Variants in SPRED2 observed in about 807,000 individuals in gnomAD.
SPRED2 encodes sprouty-related, EVH1 domain-containing protein 2.
SPRED2 carries 47 observed loss-of-function variants against 43.0 expected under a neutral mutation model. The ratio of observed to expected loss-of-function variants is 1.09; its 90% confidence interval spans 0.87 to 1.40. The LOEUF is 1.40. Among genes scored for constraint, SPRED2 ranks in the 40% most tolerant of loss-of-function variants. The probability of loss-of-function intolerance (pLI) is 0.00; values close to 1 mark genes in which losing one functional copy is unlikely to be tolerated. For synonymous variants in SPRED2, 225 were observed against 225.7 expected (o/e 1.00, Z 0.03); for missense variants, 561 against 586.4 (o/e 0.96, Z 0.45).
chr2:65,421,246 G>A (rs1676416503), intron 1 of SPRED2, among the ~76,000 whole-genome samples: 1 of 152,114 alleles, frequency 6.6e-6, no homozygotes, highest in African/African-American at 2.4e-5. Context: ...GGAGGGACAG[G>A]CACCTGATGA....
intron 1 of SPRED2, among the ~76,000 whole-genome samples, chr2:65,375,991 A>C (rs1218704667): frequency 6.6e-6 from 1 of 152,250 alleles, no homozygotes; most frequent in Non-Finnish European, 1.5e-5. Flanking sequence ...AGCTGGAAAT[A>C]AACACAAACA....
chr2:65,313,495 A>G lies in SPRED2; in HGVS notation c.*6T>C. 1.3e-6 allele frequency: 2 copies of G among 1,591,404 alleles called. No individual in the cohort carries two copies. Among genetic ancestry groups the G allele is most frequent in the Non-Finnish European group, 1.7e-6 (2 of 1,169,380 alleles). On this transcript the variant is annotated 3_prime_UTR_variant, in exon 6 of 6. Coordinates refer to ENST00000356388, the MANE Select transcript of SPRED2 (RefSeq NM_181784.3). Reference sequence around the variant, plus strand: ...GCGGATGGAGGGAGAAGGGAGGGAAACTGAGTCACGCGGCCGCTTTGTGCT... The same window carrying G: ...GCGGATGGAGGGAGAAGGGAGGGAAGCTGAGTCACGCGGCCGCTTTGTGCT...
chr2:65,342,046 A>G (rs1674199086), intron 2 of SPRED2, among the ~76,000 whole-genome samples: 1 of 151,726 alleles, frequency 6.6e-6, no homozygotes, highest in African/African-American at 2.4e-5. Flanking sequence ...TAAGGCCCTG[A>G]TAAGTAAATA....
chr2:65,314,217 C>A (rs1348339008), intron 5 of SPRED2, 48 bp from the exon 6 acceptor site: 6 of 1,508,118 alleles, frequency 4.0e-6, no homozygotes, highest in East Asian at 4.6e-5. Flanking sequence ...GGCCAAAAAA[C>A]AAACAAACAA....
intron 3 of SPRED2, among the ~76,000 whole-genome samples, chr2:65,333,769 T>C (rs991257480): frequency 6.6e-6 from 1 of 152,244 alleles, no homozygotes; most frequent in Non-Finnish European, 1.5e-5. Context: ...TAATGTTAAG[T>C]AATTTGTCTT....
At chr2:65,316,707 C>T (rs765719458) in intron 5 of SPRED2, 27 bp downstream of exon 5, 2 of 1,594,000 alleles carry the variant, frequency 1.3e-6, no homozygotes, top group East Asian at 2.2e-5. Flanking sequence ...ACCCTGATGC[C>T]CTCAGAGGAA....
chr2:65,361,569 T>C (rs951395379), intron 1 of SPRED2, among the ~76,000 whole-genome samples: 4 of 152,252 alleles, frequency 2.6e-5, no homozygotes, highest in African/African-American at 9.6e-5. Context: ...TCATCTCTTG[T>C]ATTCTAACCT....
At chr2:65,371,603 C>A (rs1323379529) in intron 1 of SPRED2, among the ~76,000 whole-genome samples, 1 of 152,068 alleles carries the variant, frequency 6.6e-6, no homozygotes, top group African/African-American at 2.4e-5. Flanking sequence ...TTACTTGAAG[C>A]TAAGTCAGTT....
Position 65,312,254 on chromosome 2 carries a change from G to C in SPRED2, c.*1247C>G. 1.0e-6 allele frequency: 1 copy of C among 985,616 alleles called. No individual in the cohort carries two copies. The highest frequency in any genetic ancestry group is 1.2e-6 in the Non-Finnish European group (1 of 829,928). The allele number at this position is 985,616 out of a possible 1,614,324, so 61.1% of individuals were successfully genotyped here. ...CGAGTCTGGGTTTGGAGTTGCAGGA[G>C]AAAGACACTTAGGCATTGGAAGGGT... On this transcript the variant is annotated 3_prime_UTR_variant, in exon 6 of 6. Transcript: ENST00000356388.
chr2:65,395,710 A>C (rs1388060638), intron 1 of SPRED2, among the ~76,000 whole-genome samples: 1 of 152,204 alleles, frequency 6.6e-6, no homozygotes, highest in Non-Finnish European at 1.5e-5. Context: ...ATGAGAATTA[A>C]AACAGGTTAG....
intron 1 of SPRED2, among the ~76,000 whole-genome samples, chr2:65,400,991 A>G (rs766435875): frequency 6.6e-6 from 1 of 152,054 alleles, no homozygotes; most frequent in Non-Finnish European, 1.5e-5. Flanking sequence ...TTTTTGAGAC[A>G]GAGTCTCACT....
intron 2 of SPRED2, among the ~76,000 whole-genome samples, chr2:65,335,191 C>T (rs1046853267): frequency 8.5e-5 from 13 of 152,114 alleles, no homozygotes; most frequent in African/African-American, 3.1e-4. Context: ...AAAATTTCTC[C>T]TCTCCCAACT....
chr2:65,406,596 G>A (rs913386833), intron 1 of SPRED2, among the ~76,000 whole-genome samples: 6 of 152,318 alleles, frequency 3.9e-5, no homozygotes, highest in Non-Finnish European at 5.9e-5. Flanking sequence ...CCACCTCTGG[G>A]GGAGGTTTTG....
intron 2 of SPRED2, among the ~76,000 whole-genome samples, chr2:65,336,916 G>C (rs1164030054): frequency 6.6e-6 from 1 of 152,174 alleles, no homozygotes; most frequent in East Asian, 1.9e-4. Context: ...AGACCATCGT[G>C]GCTAACACGG....
chr2:65,348,234 A>T (rs971736902), intron 1 of SPRED2, among the ~76,000 whole-genome samples: 2 of 152,172 alleles, frequency 1.3e-5, no homozygotes, highest in African/African-American at 4.8e-5. Context: ...AGGTTATTTC[A>T]GAGAGGACTT....
At chr2:65,402,096 G>A (rs567582982) in intron 1 of SPRED2, among the ~76,000 whole-genome samples, 3 of 151,494 alleles carry the variant, frequency 2.0e-5, no homozygotes, top group Non-Finnish European at 4.4e-5. Context: ...TGGGCAACAT[G>A]GCAAAACCCC....
intron 1 of SPRED2, among the ~76,000 whole-genome samples, chr2:65,421,546 A>G (rs1328105803): frequency 6.6e-6 from 1 of 152,248 alleles, no homozygotes; most frequent in African/African-American, 2.4e-5. Context: ...CAAAACAGCA[A>G]GGCTACAATA....
At chr2:65,389,495 A>G (rs1675582531) in intron 1 of SPRED2, among the ~76,000 whole-genome samples, 2 of 152,294 alleles carry the variant, frequency 1.3e-5, no homozygotes, top group South Asian at 4.1e-4. Flanking sequence ...TAGCTTAAGC[A>G]TCCCAGTCCC....
intron 1 of SPRED2, among the ~76,000 whole-genome samples, chr2:65,410,261 C>CAAAA (rs1676124316): frequency 6.6e-6 from 1 of 151,976 alleles, no homozygotes; most frequent in Non-Finnish European, 1.5e-5. Flanking sequence ...AACAAACAAA[C>CAAAA]AAAAATCCTT....
Sources: gnomAD v4.1 joint callset for allele counts (sites outside exome capture counted in the v4.1 genomes callset) on GRCh38, gnomAD v4.1.1 for gene constraint, MANE v1.5 for transcripts, NCBI Gene and HGNC (gene_info 2026-07-23, HGNC 2026-07-21) for gene names.